Variants in EPHA6 observed in about 807,000 individuals in gnomAD.
EPHA6 encodes ephrin type-A receptor 6.
EPHA6 carries 50 observed loss-of-function variants against 112.0 expected under a neutral mutation model. That is an observed-to-expected ratio of 0.45 (90% CI 0.36 to 0.56). EPHA6 has a LOEUF of 0.56. Ranked by LOEUF, EPHA6 falls within the 20% of genes least tolerant of loss-of-function variation. The pLI is 0.00. For synonymous variants in EPHA6, 529 were observed against 490.7 expected (o/e 1.08, Z -1.03); for missense variants, 1,280 against 1,417.4 (o/e 0.90, Z 1.56).
chr3:96,905,132 G>T (rs2038862014), intron 2 of EPHA6, among the ~76,000 whole-genome samples: 1 of 151,998 alleles, frequency 6.6e-6, no homozygotes, highest in African/African-American at 2.4e-5. Flanking sequence ...ATTTTTAAGA[G>T]AACTAAGAAA....
At chr3:97,083,304 C>A (rs1013983098) in intron 3 of EPHA6, among the ~76,000 whole-genome samples, 2 of 152,014 alleles carry the variant, frequency 1.3e-5, no homozygotes, top group African/African-American at 2.4e-5. Context: ...TTTAGTGTGA[C>A]AGTGATCTCA....
intron 3 of EPHA6, among the ~76,000 whole-genome samples, chr3:97,090,864 A>C (rs977818698): frequency 1.3e-5 from 2 of 152,144 alleles, no homozygotes; most frequent in Admixed American, 6.6e-5. Flanking sequence ...ATGAGGAATA[A>C]TACTCAGGAA....
chr3:97,047,899 A>G (rs1276692829), intron 3 of EPHA6, among the ~76,000 whole-genome samples: 18 of 152,170 alleles, frequency 1.2e-4, no homozygotes, highest in Admixed American at 1.2e-3. Flanking sequence ...GCAGTCATTC[A>G]CAATGGCATT....
chr3:96,854,953 G>T (rs1179350918), intron 1 of EPHA6, among the ~76,000 whole-genome samples: 1 of 152,148 alleles, frequency 6.6e-6, no homozygotes, highest in Non-Finnish European at 1.5e-5. Context: ...TAGGCTAGAG[G>T]TCTGACATGG....
At chr3:96,868,470 C>T (rs1387447931) in intron 2 of EPHA6, among the ~76,000 whole-genome samples, 1 of 151,778 alleles carries the variant, frequency 6.6e-6, no homozygotes, top group Non-Finnish European at 1.5e-5. Context: ...TCCACCAGAA[C>T]CATTAATCAG....
chr3:96,904,804 A>C (rs1230810043), intron 2 of EPHA6, among the ~76,000 whole-genome samples: 1 of 152,122 alleles, frequency 6.6e-6, no homozygotes, highest in African/African-American at 2.4e-5. Flanking sequence ...TCTAAATTTG[A>C]TGTACAGGAT....
chr3:97,283,200 T>A (rs1009458120), intron 5 of EPHA6, among the ~76,000 whole-genome samples: 5 of 152,268 alleles, frequency 3.3e-5, no homozygotes, highest in Middle Eastern at 3.4e-3. Context: ...AACTTTTTTT[T>A]AAAAAGCATA....
chr3:96,820,783 G>A (rs953090308), intron 1 of EPHA6, among the ~76,000 whole-genome samples: 2 of 151,928 alleles, frequency 1.3e-5, no homozygotes, highest in African/African-American at 4.8e-5. Context: ...TTCTGACATG[G>A]TAACTTTTTA....
intron 6 of EPHA6, among the ~76,000 whole-genome samples, chr3:97,444,117 A>C (rs2090239039): frequency 1.3e-5 from 2 of 152,212 alleles, no homozygotes; most frequent in Non-Finnish European, 2.9e-5. Flanking sequence ...AACACCTTGT[A>C]AATTGTAAAG....
rs114198217 is a variant in EPHA6 at position 97,434,159 on chromosome 3, T to C, written c.1732-14409T>C. On this transcript the variant is annotated intron_variant, in intron 6 of 17. Coordinates refer to ENST00000389672, the MANE Select transcript of EPHA6 (RefSeq NM_001080448.3). ...TGTAAATCACTTAGTGACATTTAGC[T>C]GTATTGCAATACCTCACATTGGAAG... is the stretch of plus-strand genomic sequence containing the variant. 8.2e-3 allele frequency among the ~76,000 whole-genome samples: 1,254 copies of C among 152,284 alleles called. 14 individuals carry two copies. Among genetic ancestry groups the C allele is most frequent in the African/African-American group, 0.027 (1,116 of 41,572 alleles).
intron 6 of EPHA6, among the ~76,000 whole-genome samples, chr3:97,430,326 T>C (rs751850555): frequency 3.3e-5 from 5 of 152,076 alleles, no homozygotes; most frequent in African/African-American, 4.8e-5. Flanking sequence ...ACTAATACAA[T>C]GACAGTTTCT....
chr3:96,874,782 G>A (rs1284210970), intron 2 of EPHA6, among the ~76,000 whole-genome samples: 4 of 152,068 alleles, frequency 2.6e-5, no homozygotes, highest in East Asian at 3.9e-4. Flanking sequence ...GGATTTCTAT[G>A]TTAAGAGTTC....
At chr3:97,250,128 G>T (rs2079093272) in intron 5 of EPHA6, among the ~76,000 whole-genome samples, 1 of 152,124 alleles carries the variant, frequency 6.6e-6, no homozygotes, top group African/African-American at 2.4e-5. Flanking sequence ...GATATAAAAA[G>T]GTCAAAGCCT....
At position 97,448,744 on chromosome 3, in the gene EPHA6, A is replaced by G; in HGVS notation, c.1894+14A>G. 6.2e-7 allele frequency: 1 copy of G among 1,612,038 alleles called. No individual in the cohort carries two copies. Among genetic ancestry groups the G allele is most frequent in the Non-Finnish European group, 8.5e-7 (1 of 1,178,342 alleles). On this transcript the variant is annotated intron_variant, in intron 7 of 17. Coordinates refer to ENST00000389672, the MANE Select transcript of EPHA6 (RefSeq NM_001080448.3). ...CAGGAGATGAAAGTAAGTTTCACAC[A>G]AGGATATAACATAAGATGTGAATTT...
intron 2 of EPHA6, among the ~76,000 whole-genome samples, chr3:96,903,369 G>A (rs947262473): frequency 2.6e-5 from 4 of 152,078 alleles, no homozygotes; most frequent in African/African-American, 9.7e-5. Flanking sequence ...GTGCGATTTT[G>A]TCTACAGATC....
chr3:97,543,739 C>A, intron 11 of EPHA6, among the ~76,000 whole-genome samples: 1 of 151,800 alleles, frequency 6.6e-6, no homozygotes, highest in African/African-American at 2.4e-5. Flanking sequence ...ATGGAATGTT[C>A]TTCCATTTGT....
At chr3:97,126,744 A>G (rs1285326686) in intron 3 of EPHA6, among the ~76,000 whole-genome samples, 1 of 152,160 alleles carries the variant, frequency 6.6e-6, no homozygotes, top group Non-Finnish European at 1.5e-5. Context: ...TTGAAGTAAT[A>G]ATACAGGAGA....
chr3:97,731,495 G>A lies in EPHA6; in HGVS notation c.2935-4430G>A, dbSNP rs552670248. 4.6e-5 allele frequency among the ~76,000 whole-genome samples: 7 copies of A among 152,104 alleles called. No individual in the cohort carries two copies. In the South Asian group the frequency reaches 6.2e-4, roughly 14 times the overall value. ...TCAAGATCTAATTCTGGGGGAATGC[G>A]TCAAGATGTGGTGCAAGACTCAGGA... On this transcript the variant is annotated intron_variant, in intron 15 of 17. Transcript: ENST00000389672.
chr3:97,256,120 C>T (rs1201255766), intron 5 of EPHA6, among the ~76,000 whole-genome samples: 12 of 152,098 alleles, frequency 7.9e-5, no homozygotes. Flanking sequence ...CCTCATTCTT[C>T]TACTGCAATC....
Sources: allele counts gnomAD v4.1 joint callset (sites outside exome capture counted in the v4.1 genomes callset), GRCh38; gene constraint gnomAD v4.1.1; transcripts MANE v1.5; gene names NCBI Gene and HGNC (gene_info 2026-07-23, HGNC 2026-07-21).